The following ZNF441 variants were observed in gnomAD, a reference collection of about 807,000 sequenced individuals.
ZNF441 encodes zinc finger protein 441.
Under a neutral mutation model 64.5 loss-of-function variants are expected in ZNF441, and 25 were observed. The ratio of observed to expected loss-of-function variants is 0.39; its 90% CI spans 0.28 to 0.54. The LOEUF is 0.54. Among genes scored for constraint, ZNF441 ranks in the 20% least tolerant of loss-of-function variants. The pLI, the probability that ZNF441 is intolerant of heterozygous loss-of-function variation, is 0.70. For synonymous variants in ZNF441, 262 were observed against 268.0 expected (o/e 0.98, Z 0.22); for missense variants, 715 against 843.3 (o/e 0.85, Z 1.88).
In ZNF441 at chr19:11,783,146, A is replaced by G. The variant is rs542021019; in HGVS notation, c.*1240A>G. Reference sequence around the variant, plus strand: ...AAGTGGGAAAAGGATGTGAACAGACAGTTCTCAAAAGAAGACATGCAAATG... The same window carrying G: ...AAGTGGGAAAAGGATGTGAACAGACGGTTCTCAAAAGAAGACATGCAAATG... On this transcript the variant is annotated 3_prime_UTR_variant, in exon 4 of 4. Coordinates refer to ENST00000357901, the MANE Select transcript of ZNF441 (RefSeq NM_152355.3). The G allele has an allele frequency of 2.0e-5, 3 of 152,340 alleles. No individual in the cohort carries two copies. The South Asian group carries it at 6.2e-4, about 32-fold the overall frequency. 9.4% of individuals were successfully genotyped at this position (152,340 alleles called of 1,614,324 possible).
chr19:11,773,080 T>C (rs12973963), intron 1 of ZNF441, among the ~76,000 whole-genome samples: 73,781 of 152,056 alleles, frequency 0.49, 19,248 homozygotes, highest in African/African-American at 0.7. Context: ...TGTGAGCCAC[T>C]GCGCCCGGCC....
Position 11,778,383 on chromosome 19 carries a change from A to G in ZNF441, c.184A>G (p.Arg62Gly), listed in dbSNP as rs1316336484. ...IEEDQYKDLR[R>G]NLRCHMVERA... ...AGAAGATCAGTACAAAGATCTCAGA[A>G]GAAATCTAAGGTAATTTGCACTCAC... Residue 62 changes from arginine to glycine, a missense_variant, in exon 3 of 4, where the codon AGA becomes GGA. Physicochemically the swap from Arg to Gly is moderately radical, Grantham distance 125 (BLOSUM62 -2). Coordinates refer to ENST00000357901, the MANE Select transcript of ZNF441 (RefSeq NM_152355.3). The G allele has an allele frequency of 6.5e-7, 1 of 1,546,578 alleles. No homozygotes were observed. The highest frequency in any genetic ancestry group is 8.7e-7 in the Non-Finnish European group (1 of 1,144,998).
intron 3 of ZNF441, among the ~76,000 whole-genome samples, chr19:11,778,999 G>A (rs985035720): frequency 1.3e-5 from 2 of 152,108 alleles, no homozygotes; most frequent in African/African-American, 4.8e-5. Context: ...GAGGGCATGA[G>A]ACCTACACTT....
chr19:11,780,116 C>T lies in ZNF441; in HGVS notation c.292C>T (p.Pro98Ser). Residue 98 changes from proline to serine, a missense_variant, in exon 4 of 4, where the codon CCT (proline) becomes TCT (serine). Pro to Ser is a moderately conservative substitution (Grantham distance 74). Transcript: ENST00000357901. ...AGACAGTATTGTGAACGAGAAAATA[C>T]CTGGAGTAGATCCATGGGAAAGCAG... ...TQDSIVNEKI[P>S]GVDPWESSEC... The T allele has an allele frequency of 6.2e-7, 1 of 1,614,134 alleles. No homozygotes were observed. Among genetic ancestry groups the T allele is most frequent in the Non-Finnish European group, 8.5e-7 (1 of 1,180,022 alleles).
At chr19:11,778,837 A>T (rs1252003946) in intron 3 of ZNF441, among the ~76,000 whole-genome samples, 1 of 152,220 alleles carries the variant, frequency 6.6e-6, no homozygotes, top group East Asian at 1.9e-4. Context: ...CTTCAAAAAC[A>T]TATACTTAAA....
In ZNF441 at chr19:11,768,852, C is replaced by T. The variant is rs1447919483; in HGVS notation, c.3+1656C>T. On this transcript the variant is annotated intron_variant, in intron 1 of 3. Coordinates refer to ENST00000357901, the MANE Select transcript of ZNF441 (RefSeq NM_152355.3). ...AGGGGACAGGACTGAAATGATTCTTCCCTTCTGATGTTCTCAGACTAATGA... is the reference window on the plus strand; with the variant it reads ...AGGGGACAGGACTGAAATGATTCTTTCCTTCTGATGTTCTCAGACTAATGA... Among the ~76,000 whole-genome samples, 3 of 152,224 alleles carry T rather than the reference C, an allele frequency of 2.0e-5. No individual in the cohort carries two copies. In the East Asian group the frequency reaches 5.8e-4, roughly 29 times the overall value.
rs755610321 is a variant in ZNF441, at chr19:11,777,755, T to C, written c.130+18T>C. On this transcript the variant is annotated intron_variant, in intron 2 of 3. Transcript: ENST00000357901. ...CTGTATAGGTAAGGATGTCATCATG[T>C]CTTCACTTAGTCAATTAGAGACATT... is the stretch of plus-strand genomic sequence containing the variant. 1 of 1,595,776 alleles carries C rather than the reference T, an allele frequency of 6.3e-7. No individual in the cohort carries two copies. The highest frequency in any genetic ancestry group is 8.5e-7 in the Non-Finnish European group (1 of 1,174,092).
At chr19:11,771,852 G>A (rs1049753026) in intron 1 of ZNF441, among the ~76,000 whole-genome samples, 23 of 152,214 alleles carry the variant, frequency 1.5e-4, no homozygotes, top group African/African-American at 5.5e-4. Flanking sequence ...GGGGAGTTTA[G>A]AGAAGACTGC....
At chr19:11,778,489 C>T (rs1975371590) in intron 3 of ZNF441, 96 bp downstream of exon 3, 1 of 986,388 alleles carries the variant, frequency 1.0e-6, no homozygotes, top group Non-Finnish European at 1.5e-6. Flanking sequence ...GACAGTGTCT[C>T]ACTTTGTTGC....
intron 1 of ZNF441, among the ~76,000 whole-genome samples, chr19:11,772,323 T>C (rs1018902942): frequency 6.6e-6 from 1 of 152,204 alleles, no homozygotes; most frequent in Admixed American, 6.5e-5. Flanking sequence ...CTCTTTGTCT[T>C]GTGTCTTTAT....
intron 1 of ZNF441, among the ~76,000 whole-genome samples, chr19:11,772,898 A>G (rs554565369): frequency 6.6e-6 from 1 of 152,248 alleles, no homozygotes; most frequent in African/African-American, 2.4e-5. Flanking sequence ...GGTTCACACC[A>G]TTCTCCTGCC....
At chr19:11,768,271 A>G (rs1252428145) in intron 1 of ZNF441, among the ~76,000 whole-genome samples, 1 of 152,204 alleles carries the variant, frequency 6.6e-6, no homozygotes, top group African/African-American at 2.4e-5. Context: ...AACAGAGGCT[A>G]GTATTTTAAT....
chr19:11,775,438 T>C (rs1471850894), intron 1 of ZNF441, among the ~76,000 whole-genome samples: 1 of 151,862 alleles, frequency 6.6e-6, no homozygotes, highest in African/African-American at 2.4e-5. Context: ...AATGCCATTC[T>C]CCTGCCTCAG....
chr19:11,780,794 C>A lies in ZNF441; in HGVS notation c.970C>A (p.Arg324=), dbSNP rs140016466. 2 of 1,613,912 alleles carry A rather than the reference C, an allele frequency of 1.2e-6. No homozygotes were observed. Among genetic ancestry groups the A allele is most frequent in the African/African-American group, 2.7e-5 (2 of 74,874 alleles). ...AGGCTTTCTTTCTCCCAGTTCAGTT[C>A]GAAGACATAAAAGAACTCACACTGG... is the stretch of plus-strand genomic sequence containing the variant. The part of the protein sequence containing the change: ...GKGFLSPSSV[R]RHKRTHTGEK... The change falls in exon 4 of 4, where the codon CGA becomes AGA. Residue 324 remains arginine (R), a synonymous_variant. Coordinates refer to ENST00000357901, the MANE Select transcript of ZNF441 (RefSeq NM_152355.3).
At chr19:11,778,739 T>C (rs143416115) in intron 3 of ZNF441, among the ~76,000 whole-genome samples, 5 of 152,316 alleles carry the variant, frequency 3.3e-5, no homozygotes, top group African/African-American at 1.2e-4. Context: ...ATTGCAGGCA[T>C]GAGCCACTGT....
rs192658386 is a variant in ZNF441, at chr19:11,780,433, C to T, written c.609C>T (p.Asn203=). Residue 203 remains asparagine, a synonymous_variant, in exon 4 of 4, where the codon AAC becomes AAT. Transcript: ENST00000357901. ...CTCGTATATGTAAGTTGTGTGGAAA[C>T]GCCTTTATTTGGCCTAGTTTATTTC... is the stretch of plus-strand genomic sequence containing the variant. The part of the protein sequence containing the change: ...DGPRICKLCG[N]AFIWPSLFHM... 598 of 1,613,988 alleles carry T rather than the reference C, an allele frequency of 3.7e-4. 4 individuals are homozygous for T. In the East Asian group the frequency reaches 5.6e-3, roughly 15 times the overall value.
rs370952615 is a variant in ZNF441 at position 11,772,952 on chromosome 19, C to T, written c.4-4659C>T. ...AACTACAGGCGCCTGCCACCACGCC[C>T]GACTAATTTTTTGTATTTTTAGTAG... On this transcript the variant is annotated intron_variant, in intron 1 of 3. Transcript: ENST00000357901. 4.2e-4 allele frequency among the ~76,000 whole-genome samples: 64 copies of T among 152,250 alleles called. No homozygotes were observed. In the East Asian group the frequency reaches 7.5e-3, roughly 18 times the overall value.
In ZNF441 at chr19:11,781,273, A is replaced by G. The variant is rs374911560; in HGVS notation, c.1449A>G (p.Ala483=). The G allele has an allele frequency of 1.2e-6, 2 of 1,613,452 alleles. No homozygotes were observed. Among genetic ancestry groups the G allele is most frequent in the Non-Finnish European group, 1.7e-6 (2 of 1,179,862 alleles). The change falls in exon 4 of 4, where the codon GCA becomes GCG. Residue 483 remains alanine, a synonymous_variant. Coordinates refer to ENST00000357901, the MANE Select transcript of ZNF441 (RefSeq NM_152355.3). ...KPYECKQCGK[A]LSHLKSFQRH... ...ATGAATGTAAGCAGTGTGGAAAAGC[A>G]CTTTCTCATCTGAAAAGCTTTCAGA...
rs1458441629 is a variant in ZNF441 at position 11,781,965 on chromosome 19, C to A, written c.*59C>A. On this transcript the variant is annotated 3_prime_UTR_variant, in exon 4 of 4. Coordinates refer to ENST00000357901, the MANE Select transcript of ZNF441 (RefSeq NM_152355.3). ...AGCCTTAAGTACTTTCAGCTTCTTA[C>A]AAATACATAAGAGACTCACACTGAA... The A allele has an allele frequency of 5.8e-6, 8 of 1,377,048 alleles. No individual in the cohort carries two copies. The highest frequency in any genetic ancestry group is 4.8e-5 in the South Asian group (3 of 63,080). The allele number at this position is 1,377,048 out of a possible 1,614,324, so 85.3% of individuals were successfully genotyped here. A position where few individuals can be genotyped will look rare whatever the true frequency, so the allele number is the denominator to read the frequency against.
Sources: allele counts gnomAD v4.1 joint callset (sites outside exome capture counted in the v4.1 genomes callset), GRCh38; gene constraint gnomAD v4.1.1; transcripts MANE v1.5; gene names NCBI Gene and HGNC (gene_info 2026-07-23, HGNC 2026-07-21).